SLC35F3: variants seen among roughly 807,000 people sequenced by gnomAD.
SLC35F3 encodes the protein putative thiamine transporter SLC35F3.
Under a neutral mutation model 49.9 loss-of-function variants are expected in SLC35F3, and 25 were observed. That is an observed-to-expected ratio of 0.50 (90% CI 0.37 to 0.70). SLC35F3 has a LOEUF of 0.70. SLC35F3 is among the 30% of genes least tolerant of loss of function. The pLI, the probability that SLC35F3 is intolerant of heterozygous loss-of-function variation, is 0.00. For synonymous variants in SLC35F3, 275 were observed against 265.4 expected, an observed-to-expected ratio of 1.04 and a Z score of -0.35; for missense variants, 525 against 639.8, an observed-to-expected ratio of 0.82 and a Z score of 1.94.
At chr1:234,056,530 C>G (rs190973540) in intron 2 of SLC35F3, among the ~76,000 whole-genome samples, 21 of 152,310 alleles carry the variant, frequency 1.4e-4, no homozygotes, top group Admixed American at 7.2e-4. Flanking sequence ...CTATTCCCCC[C>G]TCCACCCAGC....
chr1:234,036,208 G>T (rs189495470), intron 2 of SLC35F3, among the ~76,000 whole-genome samples: 2 of 152,200 alleles, frequency 1.3e-5, no homozygotes, highest in Admixed American at 6.5e-5. Context: ...GACTACAGGT[G>T]TGCACTACCA....
intron 2 of SLC35F3, among the ~76,000 whole-genome samples, chr1:233,972,905 G>A (rs1346782307): frequency 1.3e-5 from 2 of 152,194 alleles, no homozygotes; most frequent in Non-Finnish European, 1.5e-5. Flanking sequence ...GGAAATCAAC[G>A]GCAGACAGCC....
chr1:234,166,764 G>A (rs1666326806), intron 2 of SLC35F3, among the ~76,000 whole-genome samples: 1 of 152,210 alleles, frequency 6.6e-6, no homozygotes, highest in South Asian at 2.1e-4. Flanking sequence ...GAACCATTCT[G>A]GATGCAGTAA....
intron 3 of SLC35F3, among the ~76,000 whole-genome samples, chr1:234,300,987 A>AAC (rs1259700040): frequency 6.6e-6 from 1 of 152,262 alleles, no homozygotes; most frequent in Non-Finnish European, 1.5e-5. Flanking sequence ...GGAGAAGCTG[A>AAC]AAATGATTCT....
chr1:233,922,031 C>A (rs1662070759), intron 2 of SLC35F3, among the ~76,000 whole-genome samples: 1 of 152,180 alleles, frequency 6.6e-6, no homozygotes, highest in Non-Finnish European at 1.5e-5. Flanking sequence ...TTTTCTTTAT[C>A]CAGTCTATCA....
intron 3 of SLC35F3, among the ~76,000 whole-genome samples, chr1:234,298,448 A>G (rs933382721): frequency 2.0e-5 from 3 of 152,248 alleles, no homozygotes; most frequent in Admixed American, 2.0e-4. Flanking sequence ...CAAAGGTATG[A>G]AAGAAGGATA....
At chr1:234,194,556 A>G (rs1268174286) in intron 2 of SLC35F3, among the ~76,000 whole-genome samples, 2 of 152,166 alleles carry the variant, frequency 1.3e-5, no homozygotes, top group Non-Finnish European at 2.9e-5. Flanking sequence ...GGACTTACTT[A>G]TGTAACCAAA....
At chr1:234,176,881 G>C (rs549499677) in intron 2 of SLC35F3, among the ~76,000 whole-genome samples, 10 of 151,378 alleles carry the variant, frequency 6.6e-5, no homozygotes, top group South Asian at 6.3e-4. Context: ...CTCTGAGCAA[G>C]GTCTTTCCCT....
chr1:234,322,049 A>G (rs1572152983), intron 7 of SLC35F3, among the ~76,000 whole-genome samples: 2 of 151,854 alleles, frequency 1.3e-5, no homozygotes, highest in South Asian at 2.1e-4. Context: ...AATAACAAAA[A>G]TTAGCCAGGC....
At chr1:234,297,250 CA>C (rs1232400372) in intron 3 of SLC35F3, among the ~76,000 whole-genome samples, 2 of 152,082 alleles carry the variant, frequency 1.3e-5, no homozygotes, top group Admixed American at 6.5e-5. Context: ...GGAGATACCT[CA>C]AAAAATTAAA....
At chr1:234,104,497 T>G (rs1665255586) in intron 2 of SLC35F3, among the ~76,000 whole-genome samples, 1 of 152,204 alleles carries the variant, frequency 6.6e-6, no homozygotes, top group Admixed American at 6.5e-5. Context: ...AACAGCCAAT[T>G]ACAAGTCACC....
intron 7 of SLC35F3, 43 bp from the exon 8 acceptor site, chr1:234,322,965 C>T: frequency 6.3e-7 from 1 of 1,578,526 alleles, no homozygotes; most frequent in East Asian, 2.2e-5. Flanking sequence ...GGACATGCCC[C>T]CAACCCTGCA....
chr1:233,956,078 G>A (rs185113492), intron 2 of SLC35F3, among the ~76,000 whole-genome samples: 8 of 151,938 alleles, frequency 5.3e-5, no homozygotes, highest in African/African-American at 1.9e-4. Flanking sequence ...AGTGAAGACA[G>A]GGTTTCACCA....
chr1:234,308,126 C>CTAGATAAGACA (rs1357718862), intron 3 of SLC35F3, among the ~76,000 whole-genome samples: 3 of 152,170 alleles, frequency 2.0e-5, no homozygotes, highest in African/African-American at 7.2e-5. Context: ...GCTTATTCTT[C>CTAGATAAGACA]CTGTGCTAGA....
At position 234,032,090 on chromosome 1, in the gene SLC35F3, A is replaced by G. The variant is rs111934455; in HGVS notation, c.283+126332A>G. 1.4e-3 allele frequency among the ~76,000 whole-genome samples: 212 copies of G among 152,178 alleles called. 1 individual carries two copies. Among genetic ancestry groups the G allele is most frequent in the Middle Eastern group, 6.8e-3 (2 of 294 alleles). On this transcript the variant is annotated intron_variant, in intron 2 of 7. Transcript: ENST00000366618. ...ATTTCTGAATAGCATGTTTGCATTGATACTTCGTGATTGTTCTGCTCTCGG... is the reference window on the plus strand; with the variant it reads ...ATTTCTGAATAGCATGTTTGCATTGGTACTTCGTGATTGTTCTGCTCTCGG...
At chr1:233,992,473 A>AG (rs1174718116) in intron 2 of SLC35F3, among the ~76,000 whole-genome samples, 1 of 152,158 alleles carries the variant, frequency 6.6e-6, no homozygotes, top group Non-Finnish European at 1.5e-5. Flanking sequence ...GGAAATATTG[A>AG]GGGGTGTCCT....
intron 2 of SLC35F3, among the ~76,000 whole-genome samples, chr1:234,000,079 C>G (rs1281470603): frequency 1.3e-5 from 2 of 152,108 alleles, no homozygotes. Flanking sequence ...AAACTCTGAT[C>G]GCTGTGTAAC....
chr1:234,309,742 G>A (rs1397025833), intron 4 of SLC35F3, among the ~76,000 whole-genome samples: 3 of 152,222 alleles, frequency 2.0e-5, no homozygotes, highest in Non-Finnish European at 4.4e-5. Context: ...GTGAGGATGT[G>A]CGTGAAACCC....
At chr1:234,081,351 C>T (rs575926866) in intron 2 of SLC35F3, among the ~76,000 whole-genome samples, 1 of 152,332 alleles carries the variant, frequency 6.6e-6, no homozygotes, top group Non-Finnish European at 1.5e-5. Flanking sequence ...AGAGCTAGTT[C>T]TAATAGTACT....
Sources: gnomAD v4.1 joint callset for allele counts (sites outside exome capture counted in the v4.1 genomes callset) on GRCh38, gnomAD v4.1.1 for gene constraint, MANE v1.5 for transcripts, NCBI Gene and HGNC (gene_info 2026-07-23, HGNC 2026-07-21) for gene names.